The following FGD6 variants were observed in gnomAD, a reference collection of about 807,000 sequenced individuals.
FGD6 encodes FYVE, RhoGEF and PH domain-containing protein 6.
A neutral mutation model predicts 149.4 loss-of-function variants in FGD6; 90 were observed. The ratio of observed to expected loss-of-function variants is 0.60; its 90% CI spans 0.51 to 0.72. The LOEUF (loss-of-function observed/expected upper bound fraction) is 0.72, where lower values mean the gene tolerates loss of function less well. Among genes scored for constraint, FGD6 ranks in the 30% least tolerant of loss-of-function variants. The pLI is 0.00. For synonymous variants in FGD6, 527 were observed against 584.0 expected, an observed-to-expected ratio of 0.90 and a Z score of 1.41; for missense variants, 1,437 against 1,684.8, an observed-to-expected ratio of 0.85 and a Z score of 2.57.
intron 8 of FGD6, among the ~76,000 whole-genome samples, chr12:95,123,067 C>T (rs6538598): frequency 0.63 from 94,584 of 150,270 alleles, 30,018 homozygotes; most frequent in East Asian, 0.68. Context: ...AAAAAAAAAG[C>T]GATCTTTCTG....
intron 9 of FGD6, among the ~76,000 whole-genome samples, chr12:95,111,498 A>G (rs540011018): frequency 7.3e-4 from 111 of 152,184 alleles, no homozygotes; most frequent in Admixed American, 4.3e-3. Flanking sequence ...TTTCTATTCT[A>G]TAAGTTCCAT....
chr12:95,125,671 T>C, intron 8 of FGD6: 1 of 427,964 alleles, frequency 2.3e-6, no homozygotes, highest in Non-Finnish European at 4.3e-6. Context: ...TGTGGATACC[T>C]GGATACAATT....
Position 95,113,715 on chromosome 12 carries a change from A to G in FGD6, c.3083-14T>C, listed in dbSNP as rs1878911832. On this transcript the variant is annotated splice_polypyrimidine_tract_variant and intron_variant, in intron 8 of 20. Coordinates refer to ENST00000343958, the MANE Select transcript of FGD6 (RefSeq NM_018351.4). ...TCTTCAAATAATCTAGAAAAGAAGA[A>G]AAAAAAGTATTTAAGTACAATAAAC... 6.5e-7 allele frequency: 1 copy of G among 1,543,446 alleles called. No individual in the cohort carries two copies. Among genetic ancestry groups the G allele is most frequent in the East Asian group, 2.3e-5 (1 of 44,398 alleles).
intron 8 of FGD6, among the ~76,000 whole-genome samples, chr12:95,119,774 G>A (rs1422920221): frequency 3.3e-5 from 5 of 152,168 alleles, no homozygotes; most frequent in Non-Finnish European, 7.3e-5. Flanking sequence ...CTACTAATTA[G>A]CTGGGGGTAG....
chr12:95,119,117 A>G (rs1879109377), intron 8 of FGD6, among the ~76,000 whole-genome samples: 1 of 151,830 alleles, frequency 6.6e-6, no homozygotes, highest in South Asian at 2.1e-4. Context: ...GATGATGATA[A>G]TAATAATAAA....
At chr12:95,113,846 A>G (rs748145886) in intron 8 of FGD6, 145 bp from the exon 9 acceptor site, 23 of 516,786 alleles carry the variant, frequency 4.5e-5, no homozygotes, top group Non-Finnish European at 7.0e-5. Flanking sequence ...ATGTGAAAAA[A>G]TAAAGCCCTG....
chr12:95,157,868 A>C (rs115008084), intron 3 of FGD6, among the ~76,000 whole-genome samples: 2,900 of 152,090 alleles, frequency 0.019, 92 homozygotes, highest in African/African-American at 0.067. Flanking sequence ...TTTTGTTTTG[A>C]GACAGAGTCT....
intron 19 of FGD6, chr12:95,085,503 G>A: frequency 2.3e-6 from 1 of 426,788 alleles, no homozygotes; most frequent in Non-Finnish European, 4.1e-6. Flanking sequence ...TGCACCTGGG[G>A]GCAGCTCTGC....
chr12:95,201,561 C>A (rs983683655), intron 2 of FGD6, among the ~76,000 whole-genome samples: 1 of 152,126 alleles, frequency 6.6e-6, no homozygotes, highest in African/African-American at 2.4e-5. Context: ...TTATCCATTC[C>A]TTGACTGAAG....
intron 7 of FGD6, among the ~76,000 whole-genome samples, chr12:95,136,910 T>C (rs1879681954): frequency 6.6e-6 from 1 of 152,178 alleles, no homozygotes. Context: ...ATTACTGAAC[T>C]ATAAACTTGA....
intron 8 of FGD6, among the ~76,000 whole-genome samples, chr12:95,122,838 T>C (rs1293764853): frequency 1.3e-5 from 2 of 151,702 alleles, no homozygotes; most frequent in East Asian, 1.9e-4. Flanking sequence ...TCCCAGCACT[T>C]TGGGAGGCCA....
intron 9 of FGD6, among the ~76,000 whole-genome samples, chr12:95,112,445 C>T (rs1565899015): frequency 6.6e-6 from 1 of 151,468 alleles, no homozygotes; most frequent in Non-Finnish European, 1.5e-5. Flanking sequence ...ACTAAAAATA[C>T]AAAAATCAGC....
chr12:95,091,594 A>G (rs1202326839), intron 17 of FGD6, 113 bp downstream of exon 17: 7 of 622,146 alleles, frequency 1.1e-5, no homozygotes, highest in Non-Finnish European at 1.9e-5. Flanking sequence ...AAATTTGGAG[A>G]TAAGTATCAA....
chr12:95,110,793 A>C (rs1292905448), intron 9 of FGD6, among the ~76,000 whole-genome samples: 1 of 152,004 alleles, frequency 6.6e-6, no homozygotes, highest in African/African-American at 2.4e-5. Flanking sequence ...ATGGATGACA[A>C]AGCTGCTGCT....
chr12:95,202,415 T>C (rs956614028), intron 2 of FGD6, among the ~76,000 whole-genome samples: 5 of 151,326 alleles, frequency 3.3e-5, no homozygotes, highest in African/African-American at 1.2e-4. Context: ...TAAAATAAAA[T>C]AAAATAAAAT....
Position 95,113,642 on chromosome 12 carries a change from G to C in FGD6, c.3133+9C>G. 1 of 1,585,258 alleles carries C rather than the reference G, an allele frequency of 6.3e-7. No individual in the cohort carries two copies. The highest frequency in any genetic ancestry group is 8.6e-7 in the Non-Finnish European group (1 of 1,166,562). The stretch of plus-strand genomic sequence containing the variant: ...TATAAAAACTTCTGCAACCACAGAA[G>C]TTATTTACCTTGAGTGTCTCTGTAA... On this transcript the variant is annotated intron_variant, in intron 9 of 20. Coordinates refer to ENST00000343958, the MANE Select transcript of FGD6 (RefSeq NM_018351.4).
chr12:95,105,011 C>T lies in FGD6; in HGVS notation c.3493G>A (p.Ala1165Thr). 1 of 1,582,922 alleles carries T rather than the reference C, an allele frequency of 6.3e-7. No individual in the cohort carries two copies. Among genetic ancestry groups the T allele is most frequent in the Non-Finnish European group, 8.5e-7 (1 of 1,170,080 alleles). Residue 1165 changes from alanine to threonine, a missense_variant, in exon 14 of 21, where the codon GCC becomes ACC. This residue lies in a region of FGD6 where 382 missense variants were observed against 538.7 expected (regional missense o/e 0.71). Transcript: ENST00000343958. The stretch of plus-strand genomic sequence containing the variant: ...AAAGAAGAAGAAAAAATTTACCTGG[C>T]TGAGAGAATGAAGGAACGTTCTACA... ...ESVERSFILS[A>T]SSATERDEWL...
chr12:95,138,309 C>T (rs542310975), intron 6 of FGD6, among the ~76,000 whole-genome samples: 12 of 152,090 alleles, frequency 7.9e-5, no homozygotes, highest in Admixed American at 4.6e-4. Context: ...TTTGGGAGGC[C>T]GAGACGGGCA....
chr12:95,089,129 C>A (rs1264218302), intron 18 of FGD6, among the ~76,000 whole-genome samples: 3 of 152,198 alleles, frequency 2.0e-5, no homozygotes, highest in African/African-American at 7.2e-5. Flanking sequence ...TTAAAGTTTT[C>A]TTTTAAAGGA....
Sources: gnomAD v4.1 joint callset for allele counts (sites outside exome capture counted in the v4.1 genomes callset) on GRCh38, gnomAD v4.1.1 for gene constraint, gnomAD v4.1.1 regional missense constraint, MANE v1.5 for transcripts, NCBI Gene and HGNC (gene_info 2026-07-23, HGNC 2026-07-21) for gene names.